The following TNFSF8 variants were observed in gnomAD, a reference collection of about 807,000 sequenced individuals.
TNFSF8 encodes the protein tumor necrosis factor ligand superfamily member 8.
TNFSF8 carries 4 observed loss-of-function variants against 22.0 expected under a neutral mutation model. The observed-to-expected ratio is 0.18, with a 90% CI of 0.09 to 0.42. TNFSF8 has a LOEUF of 0.42. Among genes scored for constraint, TNFSF8 ranks in the 10% least tolerant of loss-of-function variants. TNFSF8 has a pLI of 1.00. For missense variants in TNFSF8, 233 were observed against 281.8 expected, an observed-to-expected ratio of 0.83 and a Z score of 1.24; for synonymous variants, 106 against 112.5, an observed-to-expected ratio of 0.94 and a Z score of 0.37.
chr9:114,918,193 CT>C (rs894596345), intron 1 of TNFSF8, 55 bp from the exon 2 acceptor site: 1,688 of 1,427,362 alleles, frequency 1.2e-3, no homozygotes, highest in South Asian at 2.0e-3. Context: ...GTTGAAACAA[CT>C]TTTTTTTTTC....
intron 2 of TNFSF8, among the ~76,000 whole-genome samples, chr9:114,911,138 T>C (rs943231226): frequency 3.9e-5 from 6 of 152,206 alleles, no homozygotes; most frequent in African/African-American, 1.4e-4. Context: ...GCAGAGTGAA[T>C]TGGCAGATGA....
chr9:114,900,779 C>T (rs748997974), downstream of TNFSF8, among the ~76,000 whole-genome samples: 1 of 152,070 alleles, frequency 6.6e-6, no homozygotes, highest in Non-Finnish European at 1.5e-5. Context: ...GTCAGGAGTT[C>T]GAGATCAGCC....
chr9:114,924,069 G>T (rs1434746539), intron 1 of TNFSF8, among the ~76,000 whole-genome samples: 7 of 152,090 alleles, frequency 4.6e-5, no homozygotes, highest in Admixed American at 1.3e-4. Flanking sequence ...AACAGAATTG[G>T]CCTGGACCCT....
intron 1 of TNFSF8, among the ~76,000 whole-genome samples, chr9:114,923,392 G>A (rs1460189574): frequency 6.6e-6 from 1 of 152,040 alleles, no homozygotes; most frequent in African/African-American, 2.4e-5. Context: ...ATTCAGACAA[G>A]GATCATTAAG....
At chr9:114,899,850 A>C (rs1827697311), downstream of TNFSF8, among the ~76,000 whole-genome samples, 1 of 152,170 alleles carries the variant, frequency 6.6e-6, no homozygotes, top group African/African-American at 2.4e-5. Context: ...GAGGTGTCTA[A>C]ACCCTCGCTA....
At chr9:114,924,326 T>C (rs1828030610) in intron 1 of TNFSF8, among the ~76,000 whole-genome samples, 1 of 152,202 alleles carries the variant, frequency 6.6e-6, no homozygotes, top group Non-Finnish European at 1.5e-5. Flanking sequence ...GACCCTAGAT[T>C]GGTTCAAACA....
intron 2 of TNFSF8, among the ~76,000 whole-genome samples, chr9:114,910,347 G>T (rs905271763): frequency 6.6e-6 from 1 of 152,082 alleles, no homozygotes; most frequent in Non-Finnish European, 1.5e-5. Context: ...AGACAGAAAG[G>T]GTCACTAAAT....
Position 114,904,034 on chromosome 9 carries a change from T to C in TNFSF8, c.602A>G (p.Asn201Ser). 1 of 1,614,130 alleles carries C rather than the reference T, an allele frequency of 6.2e-7. No individual in the cohort carries two copies. The highest frequency in any genetic ancestry group is 8.5e-7 in the Non-Finnish European group (1 of 1,179,970). Residue 201 changes from asparagine to serine, a missense_variant, in exon 4 of 4, where the codon AAC becomes AGC. Asn to Ser is a conservative substitution (Grantham distance 46). Transcript: ENST00000223795. ...ATCCACATTGACTGATATGGTGGTGTTGACCTGCAGGTAATCCAGCAAGAA... is the reference window on the plus strand; with the variant it reads ...ATCCACATTGACTGATATGGTGGTGCTGACCTGCAGGTAATCCAGCAAGAA... ...SQFLLDYLQVNTTISVNVDTF... is the reference protein window; with the variant it reads ...SQFLLDYLQVSTTISVNVDTF...
At chr9:114,928,420 G>T (rs903621763) in intron 1 of TNFSF8, among the ~76,000 whole-genome samples, 4 of 152,272 alleles carry the variant, frequency 2.6e-5, no homozygotes, top group African/African-American at 9.6e-5. Flanking sequence ...GATCTGCTCT[G>T]GTTCTTTTAT....
intron 4 of TNFSF8, among the ~76,000 whole-genome samples, chr9:114,896,066 A>T (rs1191584009): frequency 6.6e-6 from 1 of 152,238 alleles, no homozygotes. Flanking sequence ...GACAAGGAAG[A>T]CCAAGCCAAT....
At chr9:114,919,387 A>C (rs1485296251) in intron 1 of TNFSF8, among the ~76,000 whole-genome samples, 2 of 152,172 alleles carry the variant, frequency 1.3e-5, no homozygotes. Flanking sequence ...TGGGGATTGA[A>C]GGTGACTAAA....
intron 1 of TNFSF8, among the ~76,000 whole-genome samples, chr9:114,918,654 T>C (rs972677395): frequency 2.0e-5 from 3 of 152,134 alleles, no homozygotes; most frequent in African/African-American, 7.2e-5. Flanking sequence ...CAGGCTGGAG[T>C]GCAGTGGCAC....
chr9:114,906,699 G>C (rs528589314), intron 2 of TNFSF8, among the ~76,000 whole-genome samples: 1 of 152,204 alleles, frequency 6.6e-6, no homozygotes, highest in South Asian at 2.1e-4. Flanking sequence ...ATAATATTAT[G>C]TTATTATGGT....
chr9:114,899,354 T>TTA, downstream of TNFSF8, among the ~76,000 whole-genome samples: 1 of 151,552 alleles, frequency 6.6e-6, no homozygotes, highest in Admixed American at 6.6e-5. Context: ...TATTTTTTTT[T>TTA]TTTTTTCTTA....
chr9:114,895,094 T>C (rs1306620171), intron 4 of TNFSF8, among the ~76,000 whole-genome samples: 1 of 152,206 alleles, frequency 6.6e-6, no homozygotes. Context: ...CTGGTTTTTG[T>C]TTGGAGCCTC....
rs572857871 is a variant in TNFSF8, at chr9:114,906,411, C to T, written c.239-512G>A. Reference sequence around the variant, plus strand: ...CCAGAAACTAGTCTGGGTACTTTTACAGCTGGGTAATATATCAGCTAATCT... The same window carrying T: ...CCAGAAACTAGTCTGGGTACTTTTATAGCTGGGTAATATATCAGCTAATCT... On this transcript the variant is annotated intron_variant, in intron 2 of 3. Coordinates refer to ENST00000223795, the MANE Select transcript of TNFSF8 (RefSeq NM_001244.4). Among the ~76,000 whole-genome samples the T allele has an allele frequency of 2.0e-5, 3 of 152,340 alleles. No homozygotes were observed. The South Asian group carries it at 6.2e-4, about 32-fold the overall frequency.
intron 1 of TNFSF8, among the ~76,000 whole-genome samples, chr9:114,928,063 C>T (rs1003143275): frequency 6.6e-6 from 1 of 152,002 alleles, no homozygotes; most frequent in Non-Finnish European, 1.5e-5. Context: ...TATACCACGG[C>T]TACTATTAAC....
intron 1 of TNFSF8, among the ~76,000 whole-genome samples, chr9:114,920,742 C>T (rs1371591065): frequency 6.6e-6 from 1 of 152,162 alleles, no homozygotes; most frequent in African/African-American, 2.4e-5. Context: ...AATCTCGGCT[C>T]ACTGTAGCCT....
rs1827755915 is a variant in TNFSF8, at chr9:114,904,194, G to A, written c.442C>T (p.Leu148Phe). 3.7e-6 allele frequency: 6 copies of A among 1,614,162 alleles called. No homozygotes were observed. The highest frequency in any genetic ancestry group is 5.1e-6 in the Non-Finnish European group (6 of 1,179,992). ...LYFIICQLQF[L>F]VQCPNNSVDL... ...ACAGAATTATTTGGGCATTGTACAA[G>A]AAACTGCAGTTGGCAAATGATGAAG... Residue 148 changes from leucine to phenylalanine, a missense_variant, in exon 4 of 4, where the codon CTT becomes TTT. Physicochemically the swap from Leu to Phe is conservative, Grantham distance 22. Transcript: ENST00000223795.
Sources: allele counts gnomAD v4.1 joint callset (sites outside exome capture counted in the v4.1 genomes callset), GRCh38; gene constraint gnomAD v4.1.1; transcripts MANE v1.5; gene names NCBI Gene and HGNC (gene_info 2026-07-23, HGNC 2026-07-21).